AKAP13: variants seen among roughly 807,000 people sequenced by gnomAD.
The protein encoded by AKAP13 is A-kinase anchor protein 13.
In AKAP13, 80 loss-of-function variants were observed where a neutral mutation model predicts 264.5. That is an observed-to-expected ratio of 0.30 (90% CI 0.25 to 0.36). AKAP13 has a LOEUF of 0.36. Among genes scored for constraint, AKAP13 ranks in the 10% least tolerant of loss-of-function variants. The probability of loss-of-function intolerance (pLI) is 1.00; values close to 1 mark genes in which losing one functional copy is unlikely to be tolerated. For synonymous variants in AKAP13, 1,380 were observed against 1,250.2 expected, an observed-to-expected ratio of 1.10 and a Z score of -2.19; for missense variants, 3,712 against 3,435.2, an observed-to-expected ratio of 1.08 and a Z score of -2.01.
chr15:85,619,056 A>G (rs907689464), intron 8 of AKAP13, among the ~76,000 whole-genome samples: 2 of 152,116 alleles, frequency 1.3e-5, no homozygotes, highest in Non-Finnish European at 2.9e-5. Flanking sequence ...TGTGGTGTTT[A>G]GTATAACACC....
At chr15:85,687,238 A>G (rs1567195863) in intron 16 of AKAP13, among the ~76,000 whole-genome samples, 1 of 151,726 alleles carries the variant, frequency 6.6e-6, no homozygotes, top group African/African-American at 2.4e-5. Context: ...ACCTCACACA[A>G]CCTCCTGTTA....
At chr15:85,515,798 A>G (rs1444526427) in intron 2 of AKAP13, among the ~76,000 whole-genome samples, 1 of 137,366 alleles carries the variant, frequency 7.3e-6, no homozygotes, top group Non-Finnish European at 1.6e-5. Context: ...AGTGCATGCT[A>G]TGTGAAATGT....
intron 3 of AKAP13, among the ~76,000 whole-genome samples, chr15:85,529,407 C>T (rs1224063768): frequency 6.6e-6 from 1 of 152,060 alleles, no homozygotes; most frequent in African/African-American, 2.4e-5. Context: ...GGAGACAGAG[C>T]GAGACTCCGT....
At chr15:85,449,833 G>A (rs1009795814) in intron 1 of AKAP13, among the ~76,000 whole-genome samples, 1 of 152,142 alleles carries the variant, frequency 6.6e-6, no homozygotes, top group Non-Finnish European at 1.5e-5. Context: ...TTTTATTGAG[G>A]ATTTTTGCAC....
intron 2 of AKAP13, among the ~76,000 whole-genome samples, chr15:85,503,932 G>A (rs1056504998): frequency 3.3e-5 from 5 of 152,088 alleles, no homozygotes; most frequent in African/African-American, 1.2e-4. Flanking sequence ...ATGCTGGAGG[G>A]GTCAGTGAGG....
chr15:85,546,780 G>A (rs2077762775), intron 5 of AKAP13, among the ~76,000 whole-genome samples: 1 of 139,432 alleles, frequency 7.2e-6, no homozygotes, highest in African/African-American at 2.7e-5. Context: ...GTCTTGCTCT[G>A]TAGCCCAGGC....
At chr15:85,666,639 C>G (rs947962366) in intron 13 of AKAP13, among the ~76,000 whole-genome samples, 1 of 152,210 alleles carries the variant, frequency 6.6e-6, no homozygotes, top group Non-Finnish European at 1.5e-5. Context: ...GCTTCAACTT[C>G]CCCAGTTCAA....
chr15:85,485,889 A>T, intron 2 of AKAP13, 136 bp downstream of exon 2: 2 of 716,652 alleles, frequency 2.8e-6, no homozygotes, highest in Non-Finnish European at 4.7e-6. Context: ...GGTGTAAGAC[A>T]CTTCAGAAAT....
intron 1 of AKAP13, among the ~76,000 whole-genome samples, chr15:85,386,762 G>A (rs1596002945): frequency 6.8e-6 from 1 of 147,202 alleles, no homozygotes; most frequent in Admixed American, 6.8e-5. Context: ...TTACCTTTGT[G>A]CCTTTTTTTT....
chr15:85,679,015 C>T (rs115816458), intron 14 of AKAP13, among the ~76,000 whole-genome samples: 1,623 of 152,026 alleles, frequency 0.011, 34 homozygotes, highest in African/African-American at 0.034. Flanking sequence ...CTGAGGTGGG[C>T]GGATCACGAG....
intron 2 of AKAP13, among the ~76,000 whole-genome samples, chr15:85,508,385 C>T (rs1158987370): frequency 6.6e-6 from 1 of 152,012 alleles, no homozygotes; most frequent in African/African-American, 2.4e-5. Flanking sequence ...TCAAGCAATC[C>T]ACCTGCCTCG....
At chr15:85,522,120 A>G (rs1596412027) in intron 3 of AKAP13, among the ~76,000 whole-genome samples, 1 of 152,328 alleles carries the variant, frequency 6.6e-6, no homozygotes, top group South Asian at 2.1e-4. Context: ...GGTACCATCC[A>G]GTATCACCAT....
intron 1 of AKAP13, among the ~76,000 whole-genome samples, chr15:85,409,061 A>G (rs2150863788): frequency 6.6e-6 from 1 of 151,288 alleles, no homozygotes; most frequent in Non-Finnish European, 1.5e-5. Flanking sequence ...TTTGATTTGC[A>G]TTTTTCTAGT....
At chr15:85,587,341 C>T (rs963527752) in intron 8 of AKAP13, among the ~76,000 whole-genome samples, 1 of 152,154 alleles carries the variant, frequency 6.6e-6, no homozygotes, top group African/African-American at 2.4e-5. Context: ...TTTCACTTAG[C>T]GTAATATTTT....
At chr15:85,649,157 G>T (rs568043609) in intron 10 of AKAP13, among the ~76,000 whole-genome samples, 3 of 152,288 alleles carry the variant, frequency 2.0e-5, no homozygotes, top group Non-Finnish European at 2.9e-5. Context: ...ATCTCAATTT[G>T]TCTGCCCAGC....
At chr15:85,555,706 G>T (rs894208720) in intron 5 of AKAP13, among the ~76,000 whole-genome samples, 1 of 152,114 alleles carries the variant, frequency 6.6e-6, no homozygotes, top group African/African-American at 2.4e-5. Flanking sequence ...GTTTTCTTGC[G>T]CATGCTAGGC....
intron 5 of AKAP13, among the ~76,000 whole-genome samples, chr15:85,573,001 A>C (rs185256800): frequency 6.6e-5 from 10 of 152,344 alleles, no homozygotes; most frequent in Non-Finnish European, 2.9e-5. Context: ...ACATGAACTC[A>C]TCCTTTTTTA....
At chr15:85,735,766 CA>C (rs1218389301) in intron 32 of AKAP13, 136 bp downstream of exon 32, 1 of 969,122 alleles carries the variant, frequency 1.0e-6, no homozygotes, top group African/African-American at 1.7e-5. Context: ...CAGGGAAAAT[CA>C]CATTTTTAAA....
At chr15:85,405,729 C>T (rs759622888) in intron 1 of AKAP13, among the ~76,000 whole-genome samples, 8 of 152,188 alleles carry the variant, frequency 5.3e-5, no homozygotes, top group Non-Finnish European at 8.8e-5. Flanking sequence ...GTTTGCAAGC[C>T]GTTCCAGACT....
Sources: allele counts gnomAD v4.1 joint callset (sites outside exome capture counted in the v4.1 genomes callset), GRCh38; gene constraint gnomAD v4.1.1; transcripts MANE v1.5; gene names NCBI Gene and HGNC (gene_info 2026-07-23, HGNC 2026-07-21).